ARX: variants seen among roughly 807,000 people sequenced by gnomAD.
The protein encoded by ARX is aristaless related homeobox.
In ARX, 1 loss-of-function variant was observed where a neutral mutation model predicts 23.1. That is an observed-to-expected ratio of 0.04 (90% CI 0.02 to 0.21). ARX has a LOEUF of 0.21. Among genes scored for constraint, ARX ranks in the 10% least tolerant of loss-of-function variants. The pLI, the probability that ARX is intolerant of heterozygous loss-of-function variation, is 1.00. For missense variants in ARX, 380 were observed against 527.5 expected (o/e 0.72, Z 2.74); for synonymous variants, 301 against 270.1 (o/e 1.11, Z -1.12).
At chrX:25,014,967 T>G (rs935562227) in intron 1 of ARX, among the ~76,000 whole-genome samples, 2 of 112,509 alleles carry the variant, frequency 1.8e-5, no homozygotes, top group African/African-American at 6.5e-5. Flanking sequence ...AAAATTAGCA[T>G]CCAGAAGTCA....
chrX:25,007,352 GC>G lies in ARX; in HGVS notation c.1206del (p.Pro403ArgfsTer60), dbSNP rs2147320576. On this transcript the variant is annotated frameshift_variant, in exon 4 of 5. Coordinates refer to ENST00000379044, the MANE Select transcript of ARX (RefSeq NM_139058.3). LOFTEE classifies it high-confidence loss of function. The stretch of plus-strand genomic sequence containing the variant: ...CTGAGCGGGTGGGTGGCGGAGAGCG[GC>G]CCCGGGAAGGGCAGCCCAGGGGGGT... ...QTHPPGLPFP[G>X]PLSATHPLSP... 8.7e-7 allele frequency: 1 copy of G among 1,146,547 alleles called. No homozygotes were observed. The allele number at this position is 1,146,547 out of a possible 1,213,427, so 94.5% of individuals were successfully genotyped here.
intron 1 of ARX, among the ~76,000 whole-genome samples, chrX:25,015,010 C>T (rs2048720741): frequency 8.9e-6 from 1 of 112,420 alleles, no homozygotes; most frequent in African/African-American, 3.2e-5. Flanking sequence ...CATTAAGGAG[C>T]ATTTGGAGAA....
intron 4 of ARX, among the ~76,000 whole-genome samples, chrX:25,005,488 C>G (rs1407201023): frequency 1.8e-5 from 2 of 112,612 alleles, no homozygotes; most frequent in Non-Finnish European, 3.8e-5. Flanking sequence ...CCCGGGCCAC[C>G]CGCGCCGCCG....
intron 2 of ARX, 122 bp from the exon 3 acceptor site, chrX:25,010,427 C>A: frequency 1.2e-6 from 1 of 833,606 alleles, no homozygotes; most frequent in Non-Finnish European, 1.8e-6. Flanking sequence ...TGCCCCCCAC[C>A]CCCAAACATA....
chrX:25,006,242 G>A (rs1299786544), intron 4 of ARX, among the ~76,000 whole-genome samples: 1 of 112,667 alleles, frequency 8.9e-6, no homozygotes, highest in African/African-American at 3.2e-5. Context: ...CACTAACTCT[G>A]CTTCAGTGCG....
chrX:25,005,693 C>T (rs2048674839), intron 4 of ARX, among the ~76,000 whole-genome samples: 1 of 112,826 alleles, frequency 8.9e-6, no homozygotes, highest in East Asian at 2.8e-4. Context: ...CCCCGACCCA[C>T]GACCCTGGCG....
At chrX:25,011,453 G>C (rs1261403362) in intron 2 of ARX, among the ~76,000 whole-genome samples, 1 of 113,214 alleles carries the variant, frequency 8.8e-6, no homozygotes, top group Non-Finnish European at 1.9e-5. Context: ...AGCTAAGAAA[G>C]GGCGGACGTG....
chrX:25,004,944 C>T (rs999719677), intron 4 of ARX, 34 bp from the exon 5 acceptor site: 4 of 1,091,592 alleles, frequency 3.7e-6, no homozygotes, highest in Admixed American at 3.6e-5. Context: ...GTCATGGCCT[C>T]GGGAGCTGTG....
intron 4 of ARX, 67 bp downstream of exon 4, chrX:25,007,044 C>CCCTG: frequency 8.8e-7 from 1 of 1,130,828 alleles, no homozygotes; most frequent in Non-Finnish European, 1.2e-6. Context: ...CCTGCCTCCT[C>CCCTG]CCTGCCCCCA....
chrX:25,004,183 C>G lies in ARX; in HGVS notation c.*487G>C, dbSNP rs1601945383. The stretch of plus-strand genomic sequence containing the variant: ...TGCACTGTTAGCTATCTTACAGGCT[C>G]GCATTTGCTTCCCGGGCCCTGGCTT... On this transcript the variant is annotated 3_prime_UTR_variant, in exon 5 of 5. Transcript: ENST00000379044. The G allele has an allele frequency of 8.4e-6, 1 of 119,551 alleles. No individual in the cohort carries two copies. Among genetic ancestry groups the G allele is most frequent in the South Asian group, 3.1e-4 (1 of 3,264 alleles). The allele number at this position is 119,551 out of a possible 1,213,427, so 9.9% of individuals were successfully genotyped here.
rs2048703163 is a variant in ARX, at chrX:25,011,672, T to C, written c.1073+1250A>G. The stretch of plus-strand genomic sequence containing the variant: ...CAGGTTTAAGTGCCTTTGCCTGGCA[T>C]TAAGTCTGCTCTTTTCTGTTTCTGG... On this transcript the variant is annotated intron_variant, in intron 2 of 4. Transcript: ENST00000379044. Among the ~76,000 whole-genome samples, 5 of 113,206 alleles carry C rather than the reference T, an allele frequency of 4.4e-5. No individual in the cohort carries two copies. In the Admixed American group the frequency reaches 4.6e-4, roughly 10 times the overall value.
At chrX:25,010,447 C>CCATT in intron 2 of ARX, 142 bp from the exon 3 acceptor site, 2 of 682,200 alleles carry the variant, frequency 2.9e-6, no homozygotes, top group Non-Finnish European at 4.6e-6. Flanking sequence ...ATGGGCATTA[C>CCATT]CATTCCATCA....
In ARX at chrX:25,007,465, C is replaced by T. The variant is rs750132565; in HGVS notation, c.1120-26G>A. 9 of 1,143,081 alleles carry T rather than the reference C, an allele frequency of 7.9e-6. No individual in the cohort carries two copies. The South Asian group carries it at 1.8e-4, about 22-fold the overall frequency. 94.2% of individuals were successfully genotyped at this position (1,143,081 alleles called of 1,213,427 possible). ...CTGCAAGGCAGAGAGAGCCCAGGGT[C>T]GGCGCGGCTCGGCCCGGCGGGCGCA... is the stretch of plus-strand genomic sequence containing the variant. On this transcript the variant is annotated intron_variant, in intron 3 of 4. Transcript: ENST00000379044.
rs2048707566 is a variant in ARX, at chrX:25,012,828, GC to G, written c.1073+93del. ...CACAGAGTCCAGGAGCCAAGCGTCC[GC>G]CCCGAGGCCGGGGCCCCTGCCAGCC... is the stretch of plus-strand genomic sequence containing the variant. On this transcript the variant is annotated intron_variant, in intron 2 of 4. Transcript: ENST00000379044. 3.5e-6 allele frequency: 4 copies of G among 1,158,178 alleles called. No homozygotes were observed. The South Asian group carries it at 7.8e-5, about 22-fold the overall frequency.
Position 25,013,543 on chromosome X carries a change from G to GCGGCCGCGGCTGCCGCGGCGGCCC in ARX, c.428_451dup (p.Gly143_Ala150dup), listed in dbSNP as rs387906493. ...GAGCGTGTCCCAGGCCGCGGCGGCC[G>GCGGCCGCGGCTGCCGCGGCGGCCC]CGGCCGCGGCTGCCGCGGCGGCCCC... On this transcript the variant is annotated inframe_insertion, in exon 2 of 5. Coordinates refer to ENST00000379044, the MANE Select transcript of ARX (RefSeq NM_139058.3). 1.9e-5 allele frequency: 15 copies of GCGGCCGCGGCTGCCGCGGCGGCCC among 794,926 alleles called. No homozygotes were observed. The African/African-American group carries it at 2.3e-4, about 12-fold the overall frequency. The allele number at this position is 794,926 out of a possible 1,213,427, so 65.5% of individuals were successfully genotyped here.
chrX:25,007,389 G>A lies in ARX; in HGVS notation c.1170C>T (p.Gly390=), dbSNP rs761632870. 3.2e-5 allele frequency: 37 copies of A among 1,156,692 alleles called. No homozygotes were observed. The highest frequency in any genetic ancestry group is 7.3e-5 in the African/African-American group (4 of 54,649). Reference sequence around the variant, plus strand: ...GCAGCCCAGGGGGGTGGGTCTGCGCGCCTGCCTTCTCCCGCTTGCGCCACT... The same window carrying A: ...GCAGCCCAGGGGGGTGGGTCTGCGCACCTGCCTTCTCCCGCTTGCGCCACT... The part of the protein sequence containing the change: ...RAKWRKREKA[G]AQTHPPGLPF... Residue 390 remains glycine, a synonymous_variant, in exon 4 of 5, where the codon GGC becomes GGT. Transcript: ENST00000379044.
chrX:25,014,422 G>A (rs1000106379), intron 1 of ARX, among the ~76,000 whole-genome samples: 2 of 113,369 alleles, frequency 1.8e-5, no homozygotes, highest in East Asian at 5.5e-4. Context: ...GTTGGCAAGA[G>A]GGGTGCAGCC....
At position 25,013,445 on chromosome X, in the gene ARX, G is replaced by T; in HGVS notation, c.550C>A (p.Pro184Thr). Reference sequence around the variant, plus strand: ...AGCTCGTCCAGCGCGGGCGGCGGCGGCACGAAGGGCGCCCCGTTCTCGCGG... The same window carrying T: ...AGCTCGTCCAGCGCGGGCGGCGGCGTCACGAAGGGCGCCCCGTTCTCGCGG... ...SYRENGAPFVPPPPALDELGG... is the reference protein window; with the variant it reads ...SYRENGAPFVTPPPALDELGG... The change falls in exon 2 of 5, where the codon CCG (proline) becomes ACG (threonine). Residue 184 changes from proline (P) to threonine (T), a missense_variant. By Grantham distance (38) the Pro-to-Thr change is conservative. Transcript: ENST00000379044. 2.1e-6 allele frequency: 2 copies of T among 932,881 alleles called. No homozygotes were observed. Among genetic ancestry groups the T allele is most frequent in the Non-Finnish European group, 2.7e-6 (2 of 752,072 alleles). 76.9% of individuals were successfully genotyped at this position (932,881 alleles called of 1,213,427 possible).
Position 25,013,223 on chromosome X carries a change from C to A in ARX, c.772G>T (p.Ala258Ser), listed in dbSNP as rs905258208. The change falls in exon 2 of 5, where the codon GCG becomes TCG. Residue 258 changes from alanine to serine, a missense_variant. This residue lies in a region of ARX where 235 missense variants were observed against 270.2 expected (regional missense o/e 0.87). Coordinates refer to ENST00000379044, the MANE Select transcript of ARX (RefSeq NM_139058.3). ...CAGCGCCGGGGCTCCTTGAGCAGCG[C>A]GCGGGCGTCGTCCTCCAGCAGCTCC... ...EEELLEDDAR[A>S]LLKEPRRCPV... is the part of the protein sequence containing the mutation. 2 of 1,161,784 alleles carry A rather than the reference C, an allele frequency of 1.7e-6. No homozygotes were observed. Among genetic ancestry groups the A allele is most frequent in the Non-Finnish European group, 2.3e-6 (2 of 871,203 alleles).
Sources: allele counts gnomAD v4.1 joint callset (sites outside exome capture counted in the v4.1 genomes callset), GRCh38; gene constraint gnomAD v4.1.1; regional missense constraint gnomAD v4.1.1; transcripts MANE v1.5; gene names NCBI Gene and HGNC (gene_info 2026-07-23, HGNC 2026-07-21).